The following TMEM132D variants were observed in gnomAD, a reference collection of about 807,000 sequenced individuals.
TMEM132D encodes mature OL transmembrane protein.
Under a neutral mutation model 62.3 loss-of-function variants are expected in TMEM132D, and 21 were observed. The observed-to-expected ratio is 0.34, with a 90% CI of 0.24 to 0.49. The LOEUF (loss-of-function observed/expected upper bound fraction) is 0.49, where lower values mean the gene tolerates loss of function less well. Ranked by LOEUF, TMEM132D falls within the 20% of genes least tolerant of loss-of-function variation. TMEM132D has a pLI of 0.99. For synonymous variants in TMEM132D, 621 were observed against 575.6 expected, an observed-to-expected ratio of 1.08 and a Z score of -1.13; for missense variants, 1,346 against 1,402.8, an observed-to-expected ratio of 0.96 and a Z score of 0.65.
At chr12:129,376,298 C>T (rs1202152367) in intron 3 of TMEM132D, among the ~76,000 whole-genome samples, 2 of 152,132 alleles carry the variant, frequency 1.3e-5, no homozygotes, top group African/African-American at 4.8e-5. Flanking sequence ...GTTGGGGAGG[C>T]TGCAGAAAAC....
At chr12:129,401,759 T>G (rs56309148) in intron 3 of TMEM132D, among the ~76,000 whole-genome samples, 32,238 of 151,980 alleles carry the variant, frequency 0.21, 3,608 homozygotes, top group South Asian at 0.37. Context: ...GCCCTCTCGC[T>G]CCAGTCTGTG....
rs143234086 is a variant in TMEM132D at position 129,374,205 on chromosome 12, G to T, written c.1116-36388C>A. ...GGTCTGAGATCAGGGTGCTAGCATG[G>T]TCAGGTGAGGATTAGGGCTCTCCTG... On this transcript the variant is annotated intron_variant, in intron 3 of 8. Coordinates refer to ENST00000422113, the MANE Select transcript of TMEM132D (RefSeq NM_133448.3). Among the ~76,000 whole-genome samples, 378 of 151,658 alleles carry T rather than the reference G, an allele frequency of 2.5e-3. 3 individuals are homozygous for T. Among genetic ancestry groups the T allele is most frequent in the African/African-American group, 8.8e-3 (361 of 41,200 alleles).
chr12:129,378,066 C>T (rs1870835009), intron 3 of TMEM132D, among the ~76,000 whole-genome samples: 1 of 152,334 alleles, frequency 6.6e-6, no homozygotes, highest in South Asian at 2.1e-4. Flanking sequence ...GAAATTTGCA[C>T]ATACCCCTTT....
At chr12:129,760,323 C>CTTTTTTTTTTT (rs71082753) in intron 1 of TMEM132D, among the ~76,000 whole-genome samples, 1 of 115,494 alleles carries the variant, frequency 8.7e-6, no homozygotes, top group African/African-American at 3.6e-5. Flanking sequence ...AAGCCACTTT[C>CTTTTTTTTTTT]TTTTTTTTTT....
intron 3 of TMEM132D, among the ~76,000 whole-genome samples, chr12:129,509,333 T>C (rs562670293): frequency 3.9e-4 from 59 of 152,290 alleles, no homozygotes; most frequent in African/African-American, 1.4e-3. Context: ...GTGCACACCT[T>C]AGTTTTTAAT....
At chr12:129,594,844 G>T (rs1039803711) in intron 2 of TMEM132D, among the ~76,000 whole-genome samples, 2 of 152,122 alleles carry the variant, frequency 1.3e-5, no homozygotes, top group African/African-American at 4.8e-5. Flanking sequence ...TGCTGAGAAG[G>T]CTTGCAATAT....
chr12:129,736,041 T>C (rs904560312), intron 1 of TMEM132D, among the ~76,000 whole-genome samples: 2 of 152,116 alleles, frequency 1.3e-5, no homozygotes, highest in Non-Finnish European at 2.9e-5. Context: ...TGCTTCCCCC[T>C]CCCTCTCCCT....
chr12:129,267,825 C>A (rs923621124), intron 4 of TMEM132D, among the ~76,000 whole-genome samples: 1 of 152,062 alleles, frequency 6.6e-6, no homozygotes, highest in African/African-American at 2.4e-5. Context: ...GGTACTGGTA[C>A]CAAAACAGAG....
At chr12:129,295,846 C>G (rs1470821721) in intron 4 of TMEM132D, among the ~76,000 whole-genome samples, 1 of 152,058 alleles carries the variant, frequency 6.6e-6, no homozygotes, top group Non-Finnish European at 1.5e-5. Flanking sequence ...TATATCAATA[C>G]TTGTTATACT....
chr12:129,297,266 C>A (rs1325854128), intron 4 of TMEM132D, among the ~76,000 whole-genome samples: 1 of 152,298 alleles, frequency 6.6e-6, no homozygotes, highest in East Asian at 1.9e-4. Context: ...GCATTTGGTG[C>A]ACGTTCTTTA....
intron 1 of TMEM132D, among the ~76,000 whole-genome samples, chr12:129,837,580 C>T (rs1873046062): frequency 6.6e-6 from 1 of 152,156 alleles, no homozygotes; most frequent in Non-Finnish European, 1.5e-5. Context: ...AGGTGAAAAC[C>T]AAGGAGAAGT....
intron 4 of TMEM132D, among the ~76,000 whole-genome samples, chr12:129,227,404 G>C (rs1205139289): frequency 6.8e-6 from 1 of 147,448 alleles, no homozygotes; most frequent in Non-Finnish European, 1.5e-5. Context: ...TGTTAGGAGA[G>C]GGGTTTGGAT....
intron 3 of TMEM132D, among the ~76,000 whole-genome samples, chr12:129,511,028 C>T (rs1326758492): frequency 6.6e-6 from 1 of 152,078 alleles, no homozygotes; most frequent in African/African-American, 2.4e-5. Flanking sequence ...TTTGGGTATT[C>T]TAGGTCTTTT....
intron 2 of TMEM132D, among the ~76,000 whole-genome samples, chr12:129,636,737 T>TGTGTGTGTGAGAGAGAGAGAGA (rs375868329): frequency 8.8e-6 from 1 of 113,562 alleles, no homozygotes; most frequent in African/African-American, 3.3e-5. Context: ...TGTGTGTGTG[T>TGTGTGTGTGAGAGAGAGAGAGA]GAGAGAGAGA....
chr12:129,378,190 T>C (rs540760863), intron 3 of TMEM132D, among the ~76,000 whole-genome samples: 3 of 152,328 alleles, frequency 2.0e-5, no homozygotes, highest in Admixed American at 6.5e-5. Context: ...GCCCTGCACC[T>C]GAAAGGGGAT....
At chr12:129,458,380 A>C (rs923540514) in intron 3 of TMEM132D, among the ~76,000 whole-genome samples, 8 of 148,364 alleles carry the variant, frequency 5.4e-5, no homozygotes, top group African/African-American at 2.0e-4. Flanking sequence ...GCATTTGCCT[A>C]TATCAGAGTG....
chr12:129,727,906 C>A (rs1383803071), intron 1 of TMEM132D, among the ~76,000 whole-genome samples: 3 of 152,166 alleles, frequency 2.0e-5, no homozygotes, highest in East Asian at 1.9e-4. Context: ...AGACAGCTAA[C>A]CCTGCATACG....
intron 3 of TMEM132D, among the ~76,000 whole-genome samples, chr12:129,404,876 G>C (rs1459577779): frequency 6.6e-6 from 1 of 152,068 alleles, no homozygotes; most frequent in Non-Finnish European, 1.5e-5. Context: ...CAGGGACACA[G>C]ATCCAAACCC....
At chr12:129,344,815 G>A (rs892004641) in intron 3 of TMEM132D, among the ~76,000 whole-genome samples, 15 of 151,888 alleles carry the variant, frequency 9.9e-5, no homozygotes, top group Non-Finnish European at 2.1e-4. Context: ...CGTGCCTCCC[G>A]ATTTCCGTCC....
Sources: gnomAD v4.1 joint callset for allele counts (sites outside exome capture counted in the v4.1 genomes callset) on GRCh38, gnomAD v4.1.1 for gene constraint, MANE v1.5 for transcripts, NCBI Gene and HGNC (gene_info 2026-07-23, HGNC 2026-07-21) for gene names.